Variants in PCCA observed in about 807,000 individuals in gnomAD.
PCCA encodes the protein propionyl-CoA carboxylase alpha chain, mitochondrial.
In PCCA, 74 loss-of-function variants were observed where a neutral mutation model predicts 101.3. That is an observed-to-expected ratio of 0.73 (90% CI 0.61 to 0.89). PCCA has a LOEUF of 0.89. PCCA is among the 40% of genes least tolerant of loss of function. The probability of loss-of-function intolerance (pLI) is 0.00; values close to 1 mark genes in which losing one functional copy is unlikely to be tolerated. For synonymous variants in PCCA, 294 were observed against 313.6 expected (o/e 0.94, Z 0.66); for missense variants, 891 against 907.0 (o/e 0.98, Z 0.23).
chr13:100,327,452 G>T (rs1456868790), intron 16 of PCCA, among the ~76,000 whole-genome samples: 2 of 152,164 alleles, frequency 1.3e-5, no homozygotes, highest in Non-Finnish European at 2.9e-5. Context: ...GACAAGCCCA[G>T]TTTTGTTAAT....
intron 6 of PCCA, among the ~76,000 whole-genome samples, chr13:100,175,673 G>A (rs1338052496): frequency 6.6e-6 from 1 of 152,168 alleles, no homozygotes. Context: ...TTCTAAGCCT[G>A]ATGAATATAT....
chr13:100,290,146 T>A (rs2065015607), intron 12 of PCCA, among the ~76,000 whole-genome samples: 1 of 152,212 alleles, frequency 6.6e-6, no homozygotes, highest in Non-Finnish European at 1.5e-5. Context: ...CATTCTGATT[T>A]CTTTCCCATT....
intron 22 of PCCA, among the ~76,000 whole-genome samples, chr13:100,519,898 T>C (rs1206617451): frequency 6.6e-6 from 1 of 152,268 alleles, no homozygotes; most frequent in East Asian, 1.9e-4. Flanking sequence ...GCAGAGGGGC[T>C]AGCCTGGCTG....
intron 16 of PCCA, among the ~76,000 whole-genome samples, chr13:100,316,589 C>G (rs1434807981): frequency 6.6e-6 from 1 of 151,962 alleles, no homozygotes; most frequent in East Asian, 1.9e-4. Flanking sequence ...AAAATAATCT[C>G]TTTTTTTGTT....
At chr13:100,229,702 C>T (rs183843995) in intron 7 of PCCA, among the ~76,000 whole-genome samples, 3 of 152,294 alleles carry the variant, frequency 2.0e-5, no homozygotes, top group East Asian at 1.9e-4. Context: ...CAATGGAAAC[C>T]GGACACAGCA....
chr13:100,139,012 A>G (rs1416591612), intron 4 of PCCA, among the ~76,000 whole-genome samples: 1 of 151,804 alleles, frequency 6.6e-6, no homozygotes, highest in African/African-American at 2.4e-5. Context: ...ATTTGCACTG[A>G]ATATAGAGTA....
chr13:100,340,039 G>A (rs2071067006), intron 17 of PCCA, 118 bp from the exon 18 acceptor site: 1 of 725,022 alleles, frequency 1.4e-6, no homozygotes, highest in Non-Finnish European at 2.5e-6. Context: ...TACAATCCTA[G>A]CTGCATAATA....
intron 21 of PCCA, among the ~76,000 whole-genome samples, chr13:100,512,856 G>A (rs1337578229): frequency 6.6e-6 from 1 of 152,186 alleles, no homozygotes; most frequent in African/African-American, 2.4e-5. Flanking sequence ...TGCCCACGGT[G>A]AAACCGAGCT....
At chr13:100,240,488 A>G (rs1319890058) in intron 8 of PCCA, among the ~76,000 whole-genome samples, 2 of 151,966 alleles carry the variant, frequency 1.3e-5, no homozygotes, top group Non-Finnish European at 2.9e-5. Flanking sequence ...CCTAAGTATC[A>G]TGTCTTCAAG....
chr13:100,499,618 G>C (rs142682769), intron 21 of PCCA, among the ~76,000 whole-genome samples: 2 of 152,238 alleles, frequency 1.3e-5, no homozygotes, highest in Non-Finnish European at 2.9e-5. Context: ...GGGATAAAGA[G>C]TGTTTGTTTA....
chr13:100,184,664 C>T (rs1404468157), intron 6 of PCCA, among the ~76,000 whole-genome samples: 1 of 152,114 alleles, frequency 6.6e-6, no homozygotes, highest in Non-Finnish European at 1.5e-5. Flanking sequence ...GAAAGCAGCC[C>T]TAGACTATAG....
Position 100,332,237 on chromosome 13 carries a change from C to T in PCCA, c.1540+1566C>T, listed in dbSNP as rs377249070. ...ACAGGCGTGAGCTACCGTACCTGGC[C>T]GCTACTTTGGATATTTTTAATCATT... On this transcript the variant is annotated intron_variant, in intron 17 of 23. Transcript: ENST00000376285. Among the ~76,000 whole-genome samples the T allele has an allele frequency of 1.0e-3, 154 of 152,186 alleles. 4 individuals are homozygous for T. In the South Asian group the frequency reaches 0.028, roughly 28 times the overall value.
chr13:100,347,166 C>T (rs1342487859), intron 18 of PCCA, among the ~76,000 whole-genome samples: 2 of 152,218 alleles, frequency 1.3e-5, no homozygotes, highest in Non-Finnish European at 2.9e-5. Context: ...TTAGCCACCA[C>T]GCCAGCCTAA....
At chr13:100,145,781 G>A (rs892135737) in intron 4 of PCCA, among the ~76,000 whole-genome samples, 1 of 150,794 alleles carries the variant, frequency 6.6e-6, no homozygotes, top group Admixed American at 6.6e-5. Flanking sequence ...AGAATCGCTT[G>A]AACCCAGGAG....
intron 4 of PCCA, among the ~76,000 whole-genome samples, chr13:100,113,699 C>T (rs1037206028): frequency 4.2e-4 from 64 of 152,000 alleles, no homozygotes; most frequent in African/African-American, 1.4e-3. Flanking sequence ...CTGCCTCATC[C>T]TCTCCAGTAG....
chr13:100,422,130 T>TCTTC (rs2078862016), intron 19 of PCCA, among the ~76,000 whole-genome samples: 1 of 131,636 alleles, frequency 7.6e-6, no homozygotes, highest in Non-Finnish European at 1.6e-5. Context: ...TTTCTTTCTT[T>TCTTC]CTTTCTTTTT....
At chr13:100,381,960 G>T (rs2076253396) in intron 19 of PCCA, among the ~76,000 whole-genome samples, 1 of 152,222 alleles carries the variant, frequency 6.6e-6, no homozygotes, top group Non-Finnish European at 1.5e-5. Context: ...GGGTGCCTGT[G>T]ACTCCCAAAG....
At chr13:100,230,120 A>T (rs2060377166) in intron 7 of PCCA, among the ~76,000 whole-genome samples, 1 of 152,240 alleles carries the variant, frequency 6.6e-6, no homozygotes, top group African/African-American at 2.4e-5. Flanking sequence ...TTTAGTAGAG[A>T]GTAAGACAGC....
intron 6 of PCCA, among the ~76,000 whole-genome samples, chr13:100,194,298 C>A (rs1040583556): frequency 6.6e-6 from 1 of 151,916 alleles, no homozygotes; most frequent in Non-Finnish European, 1.5e-5. Flanking sequence ...TTAAGCAAGA[C>A]GTGGGAGGAT....
Sources: allele counts gnomAD v4.1 joint callset (sites outside exome capture counted in the v4.1 genomes callset), GRCh38; gene constraint gnomAD v4.1.1; transcripts MANE v1.5; gene names NCBI Gene and HGNC (gene_info 2026-07-23, HGNC 2026-07-21).